FAT2: variants seen among roughly 807,000 people sequenced by gnomAD.
The protein encoded by FAT2 is FAT atypical cadherin 2, also known as protocadherin Fat 2.
FAT2 carries 150 observed loss-of-function variants against 295.3 expected under a neutral mutation model. The observed-to-expected ratio is 0.51, with a 90% CI of 0.44 to 0.58. The LOEUF is 0.58. Ranked by LOEUF, FAT2 falls within the 20% of genes least tolerant of loss-of-function variation. The pLI, the probability that FAT2 is intolerant of heterozygous loss-of-function variation, is 0.00. For synonymous variants in FAT2, 2,026 were observed against 2,150.3 expected (o/e 0.94, Z 1.60); for missense variants, 4,868 against 5,442.7 (o/e 0.89, Z 3.32).
intron 16 of FAT2, 43 bp downstream of exon 16, chr5:151,527,953 C>T (rs1297439865): frequency 2.5e-6 from 4 of 1,600,778 alleles, no homozygotes; most frequent in Non-Finnish European, 3.4e-6. Flanking sequence ...GACTGTGTCT[C>T]TGCTCTAATG....
Position 151,567,043 on chromosome 5 carries a change from G to A in FAT2, c.1889C>T (p.Ala630Val), listed in dbSNP as rs2127647239. The A allele has an allele frequency of 1.2e-6, 2 of 1,613,874 alleles. No individual in the cohort carries two copies. The highest frequency in any genetic ancestry group is 1.7e-6 in the Non-Finnish European group (2 of 1,179,782). The change falls in exon 2 of 24, where the codon GCT (alanine) becomes GTT (valine). Residue 630 changes from alanine (A) to valine (V), a missense_variant. Ala to Val is a moderately conservative substitution (Grantham distance 64, BLOSUM62 0). Coordinates refer to ENST00000261800, the MANE Select transcript of FAT2 (RefSeq NM_001447.3). ...CAGGGAATAACTGGTGGGTTGACCA[G>A]CAGTAAGATTGATAAAAGGGCGTTT... is the stretch of plus-strand genomic sequence containing the variant. ...SLKRPFINLT[A>V]GQPTSYSLKI...
Position 151,510,005 on chromosome 5 carries a change from C to T in FAT2, c.12059+16G>A, listed in dbSNP as rs377100737. ...CTAACAAGGAGCCCATGGCAGGTGG[C>T]CTCTCCTGGGATTACCTGTCTCCTG... On this transcript the variant is annotated intron_variant, in intron 22 of 23. Coordinates refer to ENST00000261800, the MANE Select transcript of FAT2 (RefSeq NM_001447.3). 41 of 1,612,000 alleles carry T rather than the reference C, an allele frequency of 2.5e-5. No individual in the cohort carries two copies. The highest frequency in any genetic ancestry group is 3.4e-5 in the Non-Finnish European group (40 of 1,179,642).
rs759936860 is a variant in FAT2 at position 151,553,227 on chromosome 5, C to A, written c.4106G>T (p.Gly1369Val). The A allele has an allele frequency of 1.2e-6, 2 of 1,614,232 alleles. No homozygotes were observed. The change falls in exon 6 of 24, where the codon GGG becomes GTG. Residue 1369 changes from glycine (G) to valine (V), a missense_variant. This residue lies in a region of FAT2 where 3,297 missense variants were observed against 3,669.4 expected (regional missense o/e 0.90). Transcript: ENST00000261800. ...GGGTCTGCCCTCTACGCTGATGACC[C>A]CCACCATGTGGTTCACAGGGTCCGT... ...METDPVNHMV[G>V]VISVEGRPGL...
Position 151,566,653 on chromosome 5 carries a change from T to G in FAT2, c.2279A>C (p.Glu760Ala). Reference protein sequence around the residue: ...LVYVIADGNEEGCFDIELETG... With the variant: ...LVYVIADGNEAGCFDIELETG... ...CTCCAGCTCTATGTCAAAGCAGCCC[T>G]CCTCATTGCCATCTGCAATCACATA... Residue 760 changes from glutamate to alanine, a missense_variant, in exon 2 of 24, where the codon GAG becomes GCG. This residue lies in a region of FAT2 where 3,297 missense variants were observed against 3,669.4 expected (regional missense o/e 0.90). Coordinates refer to ENST00000261800, the MANE Select transcript of FAT2 (RefSeq NM_001447.3). 1.9e-6 allele frequency: 3 copies of G among 1,614,162 alleles called. No homozygotes were observed. The highest frequency in any genetic ancestry group is 2.5e-6 in the Non-Finnish European group (3 of 1,180,028).
At chr5:151,591,756 G>A (rs907344420), upstream of FAT2, among the ~76,000 whole-genome samples, 1 of 152,168 alleles carries the variant, frequency 6.6e-6, no homozygotes, top group Non-Finnish European at 1.5e-5. Flanking sequence ...CCACCTACTA[G>A]TTCAGTAAGC....
chr5:151,571,147 T>A (rs1758506124), intron 1 of FAT2, among the ~76,000 whole-genome samples: 1 of 151,192 alleles, frequency 6.6e-6, no homozygotes, highest in African/African-American at 2.4e-5. Context: ...GCCTGCCCAC[T>A]ACTGTCCTTC....
At chr5:151,593,798 T>A (rs1759498951), upstream of FAT2, among the ~76,000 whole-genome samples, 1 of 151,406 alleles carries the variant, frequency 6.6e-6, no homozygotes, top group South Asian at 2.1e-4. Flanking sequence ...GGTCAGGAGG[T>A]CGAGACCATC....
intron 9 of FAT2, 28 bp from the exon 10 acceptor site, chr5:151,546,365 T>C (rs374152667): frequency 1.9e-6 from 3 of 1,568,106 alleles, no homozygotes; most frequent in Non-Finnish European, 2.6e-6. Flanking sequence ...ACAAACAAGT[T>C]TGCCACACCC....
chr5:151,537,354 AGAAG>A (rs1561842326), intron 12 of FAT2, among the ~76,000 whole-genome samples: 56 of 143,880 alleles, frequency 3.9e-4, no homozygotes, highest in Non-Finnish European at 5.5e-4. Context: ...AAAAGAAAAA[AGAAG>A]GAAGGAAGGA....
At position 151,543,132 on chromosome 5, in the gene FAT2, A is replaced by G. The variant is rs780742867; in HGVS notation, c.7995T>C (p.Asp2665=). Residue 2665 remains aspartate (D), a synonymous_variant, in exon 10 of 24, where the codon GAT becomes GAC. Coordinates refer to ENST00000261800, the MANE Select transcript of FAT2 (RefSeq NM_001447.3). ...QTLDFFIKAQ[D]GGPPHWNSLV... Reference sequence around the variant, plus strand: ...GAGAGTTCCAGTGAGGAGGGCCTCCATCTTGGGCTTTGATGAAGAAGTCAA... The same window carrying G: ...GAGAGTTCCAGTGAGGAGGGCCTCCGTCTTGGGCTTTGATGAAGAAGTCAA... 1.2e-6 allele frequency: 2 copies of G among 1,614,068 alleles called. No homozygotes were observed. The highest frequency in any genetic ancestry group is 2.7e-5 in the African/African-American group (2 of 74,922).
At chr5:151,560,260 T>G (rs1280939478) in intron 3 of FAT2, among the ~76,000 whole-genome samples, 2 of 152,222 alleles carry the variant, frequency 1.3e-5, no homozygotes, top group African/African-American at 4.8e-5. Flanking sequence ...TATAGCTTTG[T>G]ATATTAACTC....
rs372405844 is a variant in FAT2 at position 151,521,344 on chromosome 5, G to A, written c.11249C>T (p.Thr3750Met). The change falls in exon 19 of 24, where the codon ACG (threonine) becomes ATG (methionine). Residue 3750 changes from threonine (T) to methionine (M), a missense_variant. Physicochemically the swap from Thr to Met is moderately conservative, Grantham distance 81. Transcript: ENST00000261800. Reference sequence around the variant, plus strand: ...GATGCTGAGCCTGGCGGTGCTGTACGTGGGCCCAACCTTGGGGTCCAGATG... The same window carrying A: ...GATGCTGAGCCTGGCGGTGCTGTACATGGGCCCAACCTTGGGGTCCAGATG... ...TVHLDPKVGP[T>M]YSTARLSILT... 77 of 1,614,072 alleles carry A rather than the reference G, an allele frequency of 4.8e-5. No homozygotes were observed. Among genetic ancestry groups the A allele is most frequent in the East Asian group, 3.6e-4 (16 of 44,896 alleles).
chr5:151,547,677 T>TA (rs1348365726), intron 9 of FAT2, among the ~76,000 whole-genome samples: 3 of 152,212 alleles, frequency 2.0e-5, no homozygotes, highest in Non-Finnish European at 2.9e-5. Context: ...GTAGCCGTTT[T>TA]AAAGTGATTC....
chr5:151,544,139 C>T lies in FAT2; in HGVS notation c.6988G>A (p.Glu2330Lys). The change falls in exon 10 of 24, where the codon GAG becomes AAG. Residue 2330 changes from glutamate (E) to lysine (K), a missense_variant. Glu to Lys is a moderately conservative substitution (Grantham distance 56, BLOSUM62 1). Transcript: ENST00000261800. ...KFFQINGSTGEMSTVQELDYE... is the reference protein window; with the variant it reads ...KFFQINGSTGKMSTVQELDYE... The stretch of plus-strand genomic sequence containing the variant: ...TCCAGTTCTTGAACTGTGGACATCT[C>T]CCCTGTGCTCCCATTGATCTGGAAG... The T allele has an allele frequency of 1.9e-6, 3 of 1,614,204 alleles. No homozygotes were observed. The highest frequency in any genetic ancestry group is 1.7e-6 in the Non-Finnish European group (2 of 1,180,032).
Position 151,579,312 on chromosome 5 carries a change from C to T in FAT2, c.-20-10361G>A, listed in dbSNP as rs144230528. 2.8e-3 allele frequency among the ~76,000 whole-genome samples: 423 copies of T among 152,306 alleles called. 3 individuals carry two copies. The highest frequency in any genetic ancestry group is 9.8e-3 in the African/African-American group (406 of 41,546). ...AGGGGCCAGGCATGGTGGCTCATGCCTGTAATACCAGAGCTTTGGGAGGCC... is the reference window on the plus strand; with the variant it reads ...AGGGGCCAGGCATGGTGGCTCATGCTTGTAATACCAGAGCTTTGGGAGGCC... On this transcript the variant is annotated intron_variant, in intron 1 of 23. Transcript: ENST00000261800.
chr5:151,582,465 A>G (rs1758997706), intron 1 of FAT2, among the ~76,000 whole-genome samples: 1 of 152,174 alleles, frequency 6.6e-6, no homozygotes, highest in Non-Finnish European at 1.5e-5. Context: ...ATATATTCCC[A>G]GCCCTACCCC....
upstream of FAT2, among the ~76,000 whole-genome samples, chr5:151,591,992 C>T (rs758428135): frequency 1.3e-4 from 20 of 152,188 alleles, no homozygotes; most frequent in Non-Finnish European, 2.6e-4. Context: ...GTTTGGGCTC[C>T]CCCATCTATT....
intron 1 of FAT2, among the ~76,000 whole-genome samples, chr5:151,580,326 A>G (rs185540870): frequency 3.3e-5 from 5 of 152,330 alleles, no homozygotes; most frequent in African/African-American, 1.2e-4. Context: ...TTGAGGGGCA[A>G]AGCTGAGCCT....
In FAT2 at chr5:151,525,811, C is replaced by A. The variant is rs1753921251; in HGVS notation, c.10463G>T (p.Gly3488Val). The A allele has an allele frequency of 5.6e-6, 9 of 1,614,050 alleles. No homozygotes were observed. In the South Asian group the frequency reaches 6.6e-5, roughly 12 times the overall value. The change falls in exon 18 of 24, where the codon GGC (glycine) becomes GTC (valine). Residue 3488 changes from glycine to valine, a missense_variant. Gly to Val is a moderately radical substitution (Grantham distance 109). Coordinates refer to ENST00000261800, the MANE Select transcript of FAT2 (RefSeq NM_001447.3). ...TPDGWLVTAE[G>V]LSRRAQEWYQ... is the part of the protein sequence containing the mutation. ...CCATTCCTGAGCCCTCCTGCTTAGG[C>A]CCTCAGCAGTCACCAGCCATCCATC...
Sources: allele counts gnomAD v4.1 joint callset (sites outside exome capture counted in the v4.1 genomes callset), GRCh38; gene constraint gnomAD v4.1.1; regional missense constraint gnomAD v4.1.1; transcripts MANE v1.5; gene names NCBI Gene and HGNC (gene_info 2026-07-23, HGNC 2026-07-21).